The following EYS variants were observed in gnomAD, a reference collection of about 807,000 sequenced individuals.
EYS encodes the protein protein eyes shut homolog.
In EYS, 250 loss-of-function variants were observed where a neutral mutation model predicts 282.1. The observed-to-expected ratio is 0.89, with a 90% CI of 0.80 to 0.98. The LOEUF (loss-of-function observed/expected upper bound fraction) is 0.98. EYS is among the 50% of genes least tolerant of loss of function. EYS has a pLI of 0.00. For missense variants in EYS, 4,016 were observed against 3,709.0 expected (o/e 1.08, Z -2.15); for synonymous variants, 1,355 against 1,282.9 (o/e 1.06, Z -1.20).
At chr6:64,104,740 T>C (rs563101139) in intron 31 of EYS, among the ~76,000 whole-genome samples, 303 of 140,770 alleles carry the variant, frequency 2.2e-3, no homozygotes, top group Non-Finnish European at 2.1e-3. Flanking sequence ...ATCTCTCTTC[T>C]GGCAAGCTTT....
intron 12 of EYS, among the ~76,000 whole-genome samples, chr6:65,153,363 A>ATGTGTGTGTG (rs67661407): frequency 6.6e-5 from 9 of 135,760 alleles, no homozygotes; most frequent in African/African-American, 2.2e-4. Flanking sequence ...GAGATCATAA[A>ATGTGTGTGTG]TGTGTGTGTG....
At chr6:65,544,307 A>G (rs180832286) in intron 2 of EYS, among the ~76,000 whole-genome samples, 1 of 152,266 alleles carries the variant, frequency 6.6e-6, no homozygotes, top group East Asian at 1.9e-4. Context: ...CATTTTGTGC[A>G]TATTTTCCAA....
At chr6:65,641,643 G>A (rs960510268) in intron 1 of EYS, among the ~76,000 whole-genome samples, 10 of 152,088 alleles carry the variant, frequency 6.6e-5, no homozygotes, top group African/African-American at 7.2e-5. Context: ...TCTGTACTGC[G>A]TACTGTTTTA....
chr6:65,428,916 C>T (rs1767766690), intron 5 of EYS, among the ~76,000 whole-genome samples: 1 of 152,128 alleles, frequency 6.6e-6, no homozygotes, highest in Non-Finnish European at 1.5e-5. Flanking sequence ...GGCGTGGTGG[C>T]TCATGCCTAT....
intron 29 of EYS, among the ~76,000 whole-genome samples, chr6:64,378,891 G>A (rs1158812304): frequency 6.6e-6 from 1 of 152,148 alleles, no homozygotes; most frequent in African/African-American, 2.4e-5. Flanking sequence ...AGTTGACAAA[G>A]TCTTAGCACT....
chr6:64,184,676 C>A (rs142891127), intron 31 of EYS, among the ~76,000 whole-genome samples: 263 of 152,170 alleles, frequency 1.7e-3, no homozygotes, highest in African/African-American at 5.8e-3. Flanking sequence ...AAAATCATTT[C>A]TAGGAAATAG....
chr6:63,845,485 C>T (rs992144018), intron 36 of EYS, among the ~76,000 whole-genome samples: 7 of 151,138 alleles, frequency 4.6e-5, no homozygotes, highest in East Asian at 1.9e-4. Context: ...AGGAATAAAC[C>T]GCAGCACCAC....
intron 22 of EYS, among the ~76,000 whole-genome samples, chr6:64,695,030 A>G (rs1770526321): frequency 6.6e-6 from 1 of 151,960 alleles, no homozygotes; most frequent in Non-Finnish European, 1.5e-5. Context: ...GTTCATCAGT[A>G]GTTGCTGTGC....
At chr6:65,531,748 C>T (rs527655087) in intron 2 of EYS, among the ~76,000 whole-genome samples, 2 of 152,220 alleles carry the variant, frequency 1.3e-5, no homozygotes, top group South Asian at 4.2e-4. Context: ...TCAACAGGTG[C>T]CCACAGATGC....
intron 29 of EYS, among the ~76,000 whole-genome samples, chr6:64,309,051 T>C (rs751477640): frequency 2.1e-4 from 32 of 152,210 alleles, no homozygotes; most frequent in Admixed American, 5.2e-4. Flanking sequence ...TGAAATATTA[T>C]AGTTTACTAT....
At chr6:64,886,340 G>A (rs1373394263) in intron 19 of EYS, among the ~76,000 whole-genome samples, 1 of 151,794 alleles carries the variant, frequency 6.6e-6, no homozygotes, top group Non-Finnish European at 1.5e-5. Context: ...TTAATGCTAA[G>A]CATATTCTAG....
chr6:64,723,275 C>G lies in EYS; in HGVS notation c.3443+90103G>C, dbSNP rs537230603. On this transcript the variant is annotated intron_variant, in intron 22 of 42. Coordinates refer to ENST00000503581, the MANE Select transcript of EYS (RefSeq NM_001142800.2). Reference sequence around the variant, plus strand: ...CACATGTGCATTTACAACAGGAAAACGAGACAAATACCTAAATGCTTTCAG... The same window carrying G: ...CACATGTGCATTTACAACAGGAAAAGGAGACAAATACCTAAATGCTTTCAG... Among the ~76,000 whole-genome samples, 28 of 152,004 alleles carry G rather than the reference C, an allele frequency of 1.8e-4. No homozygotes were observed. In the South Asian group the frequency reaches 5.8e-3, roughly 32 times the overall value.
intron 35 of EYS, among the ~76,000 whole-genome samples, chr6:63,972,509 A>G (rs1766625002): frequency 2.0e-5 from 3 of 152,204 alleles, no homozygotes; most frequent in Admixed American, 2.0e-4. Context: ...TGCTAAAAAT[A>G]GTTACTAAAT....
At chr6:64,116,712 CTG>C (rs1378394406) in intron 31 of EYS, among the ~76,000 whole-genome samples, 1 of 152,016 alleles carries the variant, frequency 6.6e-6, no homozygotes, top group Admixed American at 6.6e-5. Flanking sequence ...ACAACATAGA[CTG>C]AAAGTGCAGA....
chr6:63,764,378 T>A (rs1267889044), intron 40 of EYS, among the ~76,000 whole-genome samples: 1 of 151,840 alleles, frequency 6.6e-6, no homozygotes, highest in Non-Finnish European at 1.5e-5. Flanking sequence ...TTTTTGAAGA[T>A]CACAAAGAGT....
At chr6:64,503,625 C>T (rs1225590678) in intron 26 of EYS, among the ~76,000 whole-genome samples, 3 of 152,128 alleles carry the variant, frequency 2.0e-5, no homozygotes, top group Admixed American at 6.5e-5. Context: ...AGTTTGGCTA[C>T]CCAAACATTT....
chr6:63,789,087 C>T lies in EYS; in HGVS notation c.7549G>A (p.Gly2517Ser), dbSNP rs199754359. Residue 2517 changes from glycine to serine, a missense_variant, in exon 38 of 43, where the codon GGC becomes AGC. Transcript: ENST00000503581. ...AGCCAGCCCTCTTGGAAGAACTTGC[C>T]CAGATGAACAGTGTGGACTCCAAGG... ...LSLGVHTVHL[G>S]KFFQEGWLKV... 11 of 1,551,498 alleles carry T rather than the reference C, an allele frequency of 7.1e-6. No homozygotes were observed. The highest frequency in any genetic ancestry group is 9.6e-6 in the Non-Finnish European group (11 of 1,146,892).
At chr6:64,570,870 AC>A (rs1208401116) in intron 26 of EYS, among the ~76,000 whole-genome samples, 2 of 152,142 alleles carry the variant, frequency 1.3e-5, no homozygotes, top group Admixed American at 1.3e-4. Context: ...TATTAGATCA[AC>A]AAGACAGAAA....
At chr6:65,349,132 T>A (rs1174829093) in intron 9 of EYS, among the ~76,000 whole-genome samples, 1 of 151,574 alleles carries the variant, frequency 6.6e-6, no homozygotes, top group Non-Finnish European at 1.5e-5. Flanking sequence ...GAGATGGCAG[T>A]TTTATTATAT....
Sources: gnomAD v4.1 joint callset for allele counts (sites outside exome capture counted in the v4.1 genomes callset) on GRCh38, gnomAD v4.1.1 for gene constraint, MANE v1.5 for transcripts, NCBI Gene and HGNC (gene_info 2026-07-23, HGNC 2026-07-21) for gene names.